The following PRH1 variants were observed in gnomAD, a reference collection of about 807,000 sequenced individuals.
The protein encoded by PRH1 is proline rich protein HaeIII subfamily 1.
PRH1 carries 7 observed loss-of-function variants against 7.9 expected under a neutral mutation model. The observed-to-expected ratio is 0.89, with a 90% CI of 0.50 to 1.67. The LOEUF is 1.67. PRH1 is among the 40% of genes most tolerant of loss of function. PRH1 has a pLI of 0.00. For missense variants in PRH1, 109 were observed against 223.6 expected (o/e 0.49, Z 3.27); for synonymous variants, 45 against 80.8 (o/e 0.56, Z 2.38).
chr12:11,036,490 T>C (rs1288910847), intron 1 of PRH1, among the ~76,000 whole-genome samples: 1 of 152,202 alleles, frequency 6.6e-6, no homozygotes, highest in Non-Finnish European at 1.5e-5. Context: ...GGTCCTAAAA[T>C]CCGCTCTTTA....
intron 2 of PRH1, among the ~76,000 whole-genome samples, chr12:10,923,845 A>G (rs1205053015): frequency 6.6e-6 from 1 of 152,092 alleles, no homozygotes; most frequent in Non-Finnish European, 1.5e-5. Context: ...AGATCAAGCA[A>G]ATTTATTTAA....
At chr12:11,014,312 T>G (rs61912293) in intron 1 of PRH1, among the ~76,000 whole-genome samples, 31,472 of 151,144 alleles carry the variant, frequency 0.21, 1,310 homozygotes, top group Non-Finnish European at 0.22. Context: ...TAGTGCCCAG[T>G]GGATAAGGAT....
chr12:11,069,632 G>A (rs924896582), intron 1 of PRH1, among the ~76,000 whole-genome samples: 4 of 152,198 alleles, frequency 2.6e-5, no homozygotes, highest in East Asian at 3.8e-4. Context: ...TCTTGGAAAC[G>A]TCAGAATCAA....
intron 2 of PRH1, among the ~76,000 whole-genome samples, chr12:10,972,928 A>ACC (rs199859766): frequency 0.023 from 2,285 of 99,098 alleles, 72 homozygotes; most frequent in Non-Finnish European, 0.026. Context: ...AAGCACCACA[A>ACC]CCCACCCCCC....
upstream of PRH1, chr12:11,048,195 T>TAGATAGATA (rs34117799): frequency 0.13 from 19,455 of 150,974 alleles, 1,323 homozygotes; most frequent in Admixed American, 0.14. Flanking sequence ...GATAGATAGA[T>TAGATAGATA]GACTTTTCTA....
At chr12:10,944,466 C>A (rs1444389156) in intron 2 of PRH1, among the ~76,000 whole-genome samples, 1 of 152,078 alleles carries the variant, frequency 6.6e-6, no homozygotes, top group African/African-American at 2.4e-5. Flanking sequence ...AGCTTTTGAG[C>A]CAAGACTATG....
At chr12:11,114,089 C>A (rs1326649459) in intron 1 of PRH1, among the ~76,000 whole-genome samples, 1 of 152,122 alleles carries the variant, frequency 6.6e-6, no homozygotes, top group East Asian at 1.9e-4. Flanking sequence ...TTGGGGAAAA[C>A]AGTGTGGTGA....
chr12:11,025,615 T>A (rs1181484808), intron 1 of PRH1, among the ~76,000 whole-genome samples: 4 of 152,298 alleles, frequency 2.6e-5, no homozygotes, highest in Non-Finnish European at 5.9e-5. Context: ...CTTGCAACAT[T>A]TCTCTTGCTC....
intron 1 of PRH1, among the ~76,000 whole-genome samples, chr12:11,012,572 T>G (rs977867504): frequency 2.0e-5 from 3 of 152,160 alleles, no homozygotes; most frequent in Non-Finnish European, 2.9e-5. Context: ...CCACTTTTCC[T>G]TTTTTGTTTT....
chr12:10,920,844 T>G (rs1200273574), intron 2 of PRH1, among the ~76,000 whole-genome samples: 1 of 152,134 alleles, frequency 6.6e-6, no homozygotes, highest in Non-Finnish European at 1.5e-5. Flanking sequence ...CACTAATAAC[T>G]ATGCTTCTGT....
At chr12:11,035,092 C>T (rs1942380843) in intron 1 of PRH1, among the ~76,000 whole-genome samples, 1 of 151,330 alleles carries the variant, frequency 6.6e-6, no homozygotes, top group Non-Finnish European at 1.5e-5. Flanking sequence ...CTATCTTTTC[C>T]TCTAGTTACT....
upstream of PRH1, among the ~76,000 whole-genome samples, chr12:11,047,971 G>A (rs1387499496): frequency 1.3e-5 from 2 of 152,210 alleles, no homozygotes; most frequent in African/African-American, 4.8e-5. Flanking sequence ...ATGATTTCCT[G>A]ATAAAAGCTG....
downstream of PRH1, among the ~76,000 whole-genome samples, chr12:11,118,735 C>G (rs191859111): frequency 6.6e-6 from 1 of 152,026 alleles, no homozygotes; most frequent in Non-Finnish European, 1.5e-5. Flanking sequence ...TGGCTGACAC[C>G]GGTAATCCCA....
At chr12:11,074,278 G>C (rs1448869997) in intron 1 of PRH1, among the ~76,000 whole-genome samples, 3 of 134,270 alleles carry the variant, frequency 2.2e-5, no homozygotes, top group African/African-American at 8.0e-5. Flanking sequence ...TGGGGAAGGA[G>C]CATAAAGCAT....
At chr12:10,999,549 G>A (rs987488299) in intron 1 of PRH1, among the ~76,000 whole-genome samples, 1 of 151,948 alleles carries the variant, frequency 6.6e-6, no homozygotes, top group Non-Finnish European at 1.5e-5. Flanking sequence ...TTAGAAATGG[G>A]CCAAAACAAA....
intron 1 of PRH1, among the ~76,000 whole-genome samples, chr12:11,074,031 C>G (rs1944194255): frequency 7.0e-6 from 1 of 142,108 alleles, no homozygotes; most frequent in South Asian, 2.1e-4. Context: ...ATCTGAGTGG[C>G]ACAAGGAGGG....
chr12:10,909,151 T>C (rs1445273246), intron 2 of PRH1: 2 of 1,613,990 alleles, frequency 1.2e-6, no homozygotes, highest in Non-Finnish European at 1.7e-6. Flanking sequence ...ATTGCCAAGA[T>C]AATGAGGAGT....
intron 1 of PRH1, among the ~76,000 whole-genome samples, chr12:11,019,255 G>T (rs1486482861): frequency 6.6e-6 from 1 of 152,090 alleles, no homozygotes; most frequent in African/African-American, 2.4e-5. Flanking sequence ...GGAGAGCCAA[G>T]TGCATGCATC....
intron 2 of PRH1, chr12:10,938,362 AAG>A (rs1950325646): frequency 6.2e-7 from 1 of 1,613,906 alleles, no homozygotes; most frequent in Non-Finnish European, 8.5e-7. Context: ...TCTTGTTTCC[AAG>A]AATCAGAACA....
Sources: gnomAD v4.1 joint callset for allele counts (sites outside exome capture counted in the v4.1 genomes callset) on GRCh38, gnomAD v4.1.1 for gene constraint, MANE v1.5 for transcripts, NCBI Gene and HGNC (gene_info 2026-07-23, HGNC 2026-07-21) for gene names.